Variants in LSAMP observed in about 807,000 individuals in gnomAD.
The protein encoded by LSAMP is limbic system associated membrane protein, also known as limbic system-associated membrane protein.
Under a neutral mutation model 38.6 loss-of-function variants are expected in LSAMP, and 7 were observed. The ratio of observed to expected loss-of-function variants is 0.18; its 90% CI spans 0.10 to 0.34. The LOEUF (loss-of-function observed/expected upper bound fraction) is 0.34, where lower values mean the gene tolerates loss of function less well. Ranked by LOEUF, LSAMP falls within the 10% of genes least tolerant of loss-of-function variation. The pLI is 1.00. For synonymous variants in LSAMP, 154 were observed against 166.8 expected (o/e 0.92, Z 0.59); for missense variants, 313 against 420.0 (o/e 0.75, Z 2.23).
intron 3 of LSAMP, among the ~76,000 whole-genome samples, chr3:115,874,348 C>T (rs770816147): frequency 6.6e-6 from 1 of 152,110 alleles, no homozygotes; most frequent in Admixed American, 6.6e-5. Context: ...CTAAGCCCTG[C>T]TTGAAACTAT....
intron 3 of LSAMP, among the ~76,000 whole-genome samples, chr3:115,897,042 A>C (rs1488012088): frequency 6.6e-6 from 1 of 152,090 alleles, no homozygotes; most frequent in African/African-American, 2.4e-5. Context: ...TATGAAGGCT[A>C]GCTGATGGGG....
intron 1 of LSAMP, among the ~76,000 whole-genome samples, chr3:116,113,400 C>CTATATATATATATATATATATATA (rs5851991): frequency 1.1e-5 from 1 of 87,114 alleles, no homozygotes; most frequent in African/African-American, 4.4e-5. Flanking sequence ...TATGTTTGCC[C>CTATATATATATATATATATATATA]TATATATATA....
intron 3 of LSAMP, among the ~76,000 whole-genome samples, chr3:115,979,301 A>G (rs1396285462): frequency 6.6e-6 from 1 of 152,124 alleles, no homozygotes; most frequent in African/African-American, 2.4e-5. Context: ...AATAGTTTAA[A>G]GAGGAGAAAA....
chr3:115,893,233 C>A (rs11712343), intron 3 of LSAMP, among the ~76,000 whole-genome samples: 24,418 of 151,762 alleles, frequency 0.16, 2,033 homozygotes, highest in Middle Eastern at 0.21. Context: ...CCACCATGGC[C>A]TGTGTATACC....
At chr3:116,156,478 G>A (rs1709750191) in intron 1 of LSAMP, among the ~76,000 whole-genome samples, 1 of 152,106 alleles carries the variant, frequency 6.6e-6, no homozygotes, top group Non-Finnish European at 1.5e-5. Context: ...GAACAGCAGT[G>A]TACATAGGAG....
intron 1 of LSAMP, among the ~76,000 whole-genome samples, chr3:116,243,534 T>C (rs890925914): frequency 2.6e-5 from 4 of 152,242 alleles, no homozygotes; most frequent in African/African-American, 9.6e-5. Flanking sequence ...AAATACCTAT[T>C]CAAAATTTTC....
At chr3:116,367,750 C>G (rs1011495168) in intron 1 of LSAMP, among the ~76,000 whole-genome samples, 1 of 151,954 alleles carries the variant, frequency 6.6e-6, no homozygotes, top group Non-Finnish European at 1.5e-5. Context: ...CTCAGGTAAT[C>G]CACCTGCCTC....
chr3:116,272,971 T>TAATA (rs973912882), intron 1 of LSAMP, among the ~76,000 whole-genome samples: 2 of 152,162 alleles, frequency 1.3e-5, no homozygotes, highest in African/African-American at 4.8e-5. Context: ...TATGACATGC[T>TAATA]AATATGTTTC....
intron 1 of LSAMP, among the ~76,000 whole-genome samples, chr3:116,242,219 G>A (rs1249045040): frequency 2.0e-5 from 3 of 152,170 alleles, no homozygotes; most frequent in Non-Finnish European, 4.4e-5. Context: ...AAAAATCGAG[G>A]TCTCCACAGA....
At chr3:116,218,526 C>G (rs1208387106) in intron 1 of LSAMP, among the ~76,000 whole-genome samples, 2 of 152,210 alleles carry the variant, frequency 1.3e-5, no homozygotes, top group African/African-American at 4.8e-5. Flanking sequence ...AAATTCACTT[C>G]CCAGTGTACA....
chr3:115,916,359 A>G (rs1937251230), intron 3 of LSAMP, among the ~76,000 whole-genome samples: 1 of 152,234 alleles, frequency 6.6e-6, no homozygotes, highest in African/African-American at 2.4e-5. Context: ...TATGAAACGT[A>G]CAATAAGCAG....
chr3:116,145,080 G>A (rs1388951176), intron 1 of LSAMP, among the ~76,000 whole-genome samples: 1 of 151,670 alleles, frequency 6.6e-6, no homozygotes, highest in Non-Finnish European at 1.5e-5. Flanking sequence ...TTTTTCTTTG[G>A]TGATCTTTAG....
chr3:115,820,987 T>C (rs574805924), intron 6 of LSAMP, among the ~76,000 whole-genome samples: 2 of 152,314 alleles, frequency 1.3e-5, no homozygotes, highest in Admixed American at 1.3e-4. Flanking sequence ...TTAAAACACC[T>C]TCCTGACTAA....
At chr3:116,441,118 T>C (rs1207762545) in intron 1 of LSAMP, among the ~76,000 whole-genome samples, 5 of 152,224 alleles carry the variant, frequency 3.3e-5, no homozygotes, top group African/African-American at 1.2e-4. Context: ...TTAGCTATTC[T>C]TCATTTAGAT....
chr3:116,225,115 C>T (rs2046328545), intron 1 of LSAMP, among the ~76,000 whole-genome samples: 1 of 150,930 alleles, frequency 6.6e-6, no homozygotes, highest in African/African-American at 2.4e-5. Context: ...CTAGTGGCCC[C>T]CACAAAAGAT....
intron 1 of LSAMP, among the ~76,000 whole-genome samples, chr3:116,285,376 G>A (rs1023900254): frequency 2.0e-5 from 3 of 151,996 alleles, no homozygotes; most frequent in Admixed American, 6.6e-5. Context: ...TAGATATATG[G>A]GTGAGTCTGC....
chr3:116,050,929 A>G (rs1016987761), intron 2 of LSAMP, among the ~76,000 whole-genome samples: 3 of 152,202 alleles, frequency 2.0e-5, no homozygotes, highest in African/African-American at 7.2e-5. Context: ...GAATGCCAAC[A>G]GGACTCCCAG....
chr3:115,838,349 T>C (rs1417974364), intron 6 of LSAMP, among the ~76,000 whole-genome samples: 2 of 152,196 alleles, frequency 1.3e-5, no homozygotes, highest in Non-Finnish European at 2.9e-5. Flanking sequence ...GATAAACCTA[T>C]CTATCACCTT....
At chr3:115,913,855 G>A (rs1262128451) in intron 3 of LSAMP, among the ~76,000 whole-genome samples, 1 of 152,096 alleles carries the variant, frequency 6.6e-6, no homozygotes, top group Non-Finnish European at 1.5e-5. Flanking sequence ...AGTAAGGGCC[G>A]AAATCCATCT....
Sources: gnomAD v4.1 joint callset for allele counts (sites outside exome capture counted in the v4.1 genomes callset) on GRCh38, gnomAD v4.1.1 for gene constraint, MANE v1.5 for transcripts, NCBI Gene and HGNC (gene_info 2026-07-23, HGNC 2026-07-21) for gene names.